The following MON2 variants were observed in gnomAD, a reference collection of about 807,000 sequenced individuals.
MON2 encodes MON2 regulator of endosome-to-Golgi trafficking.
Under a neutral mutation model 208.6 loss-of-function variants are expected in MON2, and 84 were observed. The observed-to-expected ratio is 0.40, with a 90% CI of 0.34 to 0.48. MON2 has a LOEUF of 0.48. Among genes scored for constraint, MON2 ranks in the 20% least tolerant of loss-of-function variants. MON2 has a pLI of 0.59. For missense variants in MON2, 1,611 were observed against 2,015.4 expected (o/e 0.80, Z 3.84); for synonymous variants, 660 against 694.0 (o/e 0.95, Z 0.77).
At chr12:62,491,180 T>G (rs2070112629) in intron 2 of MON2, among the ~76,000 whole-genome samples, 1 of 152,176 alleles carries the variant, frequency 6.6e-6, no homozygotes, top group African/African-American at 2.4e-5. Context: ...AAACTTTCCG[T>G]TAACATCTTA....
intron 2 of MON2, among the ~76,000 whole-genome samples, chr12:62,486,654 G>A (rs1327727480): frequency 1.3e-5 from 2 of 151,944 alleles, no homozygotes; most frequent in African/African-American, 4.8e-5. Flanking sequence ...TCAGTATATA[G>A]TTTCTAAACT....
chr12:62,480,926 G>A (rs757805856), intron 1 of MON2, among the ~76,000 whole-genome samples: 2 of 152,206 alleles, frequency 1.3e-5, no homozygotes, highest in Non-Finnish European at 2.9e-5. Context: ...CGAAAATGAT[G>A]ATGGAGGAAA....
chr12:62,570,320 GAAAAAAGTACACAAAAATAGAAGT>G (rs1299312729), intron 29 of MON2, among the ~76,000 whole-genome samples: 1 of 151,850 alleles, frequency 6.6e-6, no homozygotes, highest in Non-Finnish European at 1.5e-5. Flanking sequence ...TTTGGAGAAG[GAAAAAAGTACACAAAAATAGAAGT>G]AAAAAAGTAC....
chr12:62,558,815 G>A (rs943081814), intron 25 of MON2, among the ~76,000 whole-genome samples: 2 of 150,880 alleles, frequency 1.3e-5, no homozygotes, highest in African/African-American at 2.4e-5. Context: ...CTCTTGCCTC[G>A]GCCTCTGAGT....
intron 2 of MON2, among the ~76,000 whole-genome samples, chr12:62,490,853 C>T (rs532088239): frequency 1.3e-5 from 2 of 152,132 alleles, no homozygotes; most frequent in African/African-American, 4.8e-5. Context: ...CTATTACTAT[C>T]GTAAGTTTAT....
chr12:62,576,350 A>AT (rs2074781483), intron 30 of MON2, among the ~76,000 whole-genome samples: 1 of 151,990 alleles, frequency 6.6e-6, no homozygotes, highest in Non-Finnish European at 1.5e-5. Context: ...ATGGGTACAG[A>AT]TCTTTTTGGG....
chr12:62,551,387 C>A lies in MON2; in HGVS notation c.2917-1494C>A, dbSNP rs550574483. On this transcript the variant is annotated intron_variant, in intron 23 of 34. Coordinates refer to ENST00000393630, the MANE Select transcript of MON2 (RefSeq NM_015026.3). ...AGAAGTAAAAAGATGAGGAAACAAC[C>A]TGACGATGAAACAGTCAGAAAACTC... 5.6e-4 allele frequency among the ~76,000 whole-genome samples: 33 copies of A among 59,128 alleles called. No homozygotes were observed. In the East Asian group the frequency reaches 0.014, roughly 25 times the overall value. 38.8% of individuals were successfully genotyped at this position (59,128 alleles called of 152,430 possible). A position where few individuals can be genotyped will look rare whatever the true frequency, so the allele number is the denominator to read the frequency against.
chr12:62,538,215 A>G (rs1350530024), intron 17 of MON2, 37 bp from the exon 18 acceptor site: 5 of 1,610,314 alleles, frequency 3.1e-6, no homozygotes, highest in Admixed American at 1.7e-5. Flanking sequence ...GTGCATCCCA[A>G]AGTGTCATAT....
At chr12:62,493,070 G>A (rs1186542152) in intron 2 of MON2, among the ~76,000 whole-genome samples, 2 of 151,492 alleles carry the variant, frequency 1.3e-5, no homozygotes, top group Admixed American at 6.6e-5. Context: ...ACAAATAATC[G>A]CTTATGAGTT....
intron 27 of MON2, among the ~76,000 whole-genome samples, chr12:62,565,779 CTAAATAA>C (rs2074359452): frequency 2.0e-5 from 3 of 152,100 alleles, no homozygotes; most frequent in African/African-American, 7.2e-5. Context: ...ACTGTTTGTA[CTAAATAA>C]GAAGTTGTAC....
chr12:62,476,794 C>G (rs10747966), intron 1 of MON2, among the ~76,000 whole-genome samples: 57,268 of 151,904 alleles, frequency 0.38, 11,045 homozygotes, highest in African/African-American at 0.43. Flanking sequence ...ATAATTTGGA[C>G]CTTTGGTAAA....
chr12:62,497,449 CAAATT>C (rs988820642), intron 4 of MON2, among the ~76,000 whole-genome samples: 4 of 151,980 alleles, frequency 2.6e-5, no homozygotes, highest in African/African-American at 7.2e-5. Context: ...ATTAGGGACA[CAAATT>C]AAAACCATAA....
In MON2 at chr12:62,508,367, C is replaced by G. The variant is rs759183178; in HGVS notation, c.871C>G (p.Gln291Glu). The G allele has an allele frequency of 1.2e-6, 2 of 1,613,898 alleles. No homozygotes were observed. The highest frequency in any genetic ancestry group is 4.5e-5 in the East Asian group (2 of 44,866). ...CTTTTCTCCAAATATAAAGTTCAGACAAGGTTCCAGCACCTCATCTTCTCC... is the reference window on the plus strand; with the variant it reads ...CTTTTCTCCAAATATAAAGTTCAGAGAAGGTTCCAGCACCTCATCTTCTCC... ...KLFSPNIKFR[Q>E]GSSTSSSPAP... The change falls in exon 8 of 35, where the codon CAA becomes GAA. Residue 291 changes from glutamine (Q) to glutamate (E), a missense_variant. Coordinates refer to ENST00000393630, the MANE Select transcript of MON2 (RefSeq NM_015026.3).
chr12:62,540,243 T>C (rs924192994), intron 19 of MON2, among the ~76,000 whole-genome samples: 5 of 152,132 alleles, frequency 3.3e-5, no homozygotes, highest in African/African-American at 9.7e-5. Context: ...GGTTTCTACT[T>C]TCAAAGAGTA....
chr12:62,476,990 C>T (rs975254518), intron 1 of MON2, among the ~76,000 whole-genome samples: 3 of 152,068 alleles, frequency 2.0e-5, no homozygotes, highest in Non-Finnish European at 4.4e-5. Flanking sequence ...ACCCCCATCT[C>T]TACTAAAAAA....
chr12:62,565,964 AT>A, intron 27 of MON2, 49 bp from the exon 28 acceptor site: 2 of 1,542,346 alleles, frequency 1.3e-6, no homozygotes, highest in Non-Finnish European at 1.8e-6. Context: ...TTAAATATGT[AT>A]TAACTTTTCT....
At chr12:62,501,812 T>C in intron 7 of MON2, 114 bp downstream of exon 7, 1 of 1,177,438 alleles carries the variant, frequency 8.5e-7, no homozygotes, top group South Asian at 1.4e-5. Flanking sequence ...GAGGCCAGAG[T>C]TGGTGGTTCA....
intron 23 of MON2, among the ~76,000 whole-genome samples, chr12:62,550,961 C>T (rs2073716521): frequency 7.0e-6 from 1 of 143,706 alleles, no homozygotes; most frequent in South Asian, 2.2e-4. Flanking sequence ...CGCTTGTTAC[C>T]CAGGCTGAAG....
At chr12:62,506,887 A>G (rs1396047689) in intron 7 of MON2, among the ~76,000 whole-genome samples, 1 of 152,144 alleles carries the variant, frequency 6.6e-6, no homozygotes, top group Non-Finnish European at 1.5e-5. Flanking sequence ...ACAACAACAA[A>G]ATGTATTTGA....
Sources: gnomAD v4.1 joint callset for allele counts (sites outside exome capture counted in the v4.1 genomes callset) on GRCh38, gnomAD v4.1.1 for gene constraint, MANE v1.5 for transcripts, NCBI Gene and HGNC (gene_info 2026-07-23, HGNC 2026-07-21) for gene names.